CPPED1: variants seen among roughly 807,000 people sequenced by gnomAD.
The protein encoded by CPPED1 is serine/threonine-protein phosphatase CPPED1.
Under a neutral mutation model 28.0 loss-of-function variants are expected in CPPED1, and 28 were observed. The ratio of observed to expected loss-of-function variants is 1.00; its 90% CI spans 0.74 to 1.37. The LOEUF (loss-of-function observed/expected upper bound fraction) is 1.37. CPPED1 is among the 40% of genes most tolerant of loss of function. The pLI, the probability that CPPED1 is intolerant of heterozygous loss-of-function variation, is 0.00. For synonymous variants in CPPED1, 198 were observed against 180.2 expected (o/e 1.10, Z -0.79); for missense variants, 504 against 416.5 (o/e 1.21, Z -1.83).
intron 3 of CPPED1, among the ~76,000 whole-genome samples, chr16:12,693,690 AACTAGTAGACGGAATGAGCGTTTC>A (rs1311773048): frequency 1.2e-4 from 19 of 152,364 alleles, no homozygotes; most frequent in African/African-American, 4.1e-4. Flanking sequence ...AAATAACTTG[AACTAGTAGACGGAATGAGCGTTTC>A]ACTAAGCTGG....
In CPPED1 at chr16:12,705,626, CG is replaced by C. The variant is rs2080046019; in HGVS notation, c.290-578del. 2.0e-5 allele frequency among the ~76,000 whole-genome samples: 3 copies of C among 152,228 alleles called. No homozygotes were observed. The South Asian group carries it at 6.2e-4, about 32-fold the overall frequency. ...TACAAAAATTAGCTGGGCATGGGCA[CG>C]GGCACCTGTAATCCCAGCTACTCGG... On this transcript the variant is annotated intron_variant, in intron 2 of 3. Coordinates refer to ENST00000381774, the MANE Select transcript of CPPED1 (RefSeq NM_018340.3).
chr16:12,713,015 G>A (rs1410560975), intron 2 of CPPED1, among the ~76,000 whole-genome samples: 3 of 151,988 alleles, frequency 2.0e-5, no homozygotes, highest in African/African-American at 7.2e-5. Flanking sequence ...CAAGTGACAA[G>A]GCCAATTGTG....
chr16:12,713,620 T>G (rs2080091580), intron 2 of CPPED1, among the ~76,000 whole-genome samples: 1 of 152,094 alleles, frequency 6.6e-6, no homozygotes, highest in African/African-American at 2.4e-5. Flanking sequence ...CTCAGCCTCT[T>G]AAAGTGCTAG....
At chr16:12,692,940 A>G (rs1369961787) in intron 3 of CPPED1, among the ~76,000 whole-genome samples, 1 of 152,228 alleles carries the variant, frequency 6.6e-6, no homozygotes, top group African/African-American at 2.4e-5. Context: ...GGACAATGTT[A>G]CTGCAGGGAA....
intron 3 of CPPED1, among the ~76,000 whole-genome samples, chr16:12,669,077 C>A (rs1371016008): frequency 6.6e-6 from 1 of 152,156 alleles, no homozygotes; most frequent in Non-Finnish European, 1.5e-5. Flanking sequence ...CGGAAGCAAC[C>A]TAAATGTCCA....
At chr16:12,698,113 C>A (rs1303352471) in intron 3 of CPPED1, among the ~76,000 whole-genome samples, 5 of 151,914 alleles carry the variant, frequency 3.3e-5, no homozygotes, top group Non-Finnish European at 7.4e-5. Context: ...CTGACCCCAA[C>A]CCCCACCAAA....
chr16:12,770,365 C>T (rs997930188), intron 2 of CPPED1, among the ~76,000 whole-genome samples: 1 of 152,142 alleles, frequency 6.6e-6, no homozygotes, highest in Non-Finnish European at 1.5e-5. Context: ...TCCCACCTGG[C>T]GTTACTGCAA....
In CPPED1 at chr16:12,803,782, G is replaced by T; in HGVS notation, c.-6C>A. The T allele has an allele frequency of 6.3e-7, 1 of 1,598,782 alleles. No individual in the cohort carries two copies. The highest frequency in any genetic ancestry group is 8.5e-7 in the Non-Finnish European group (1 of 1,173,644). ...CCCGCCTCTGCAGCCGACATGGCGA[G>T]CGAGTTTCTGGCCTTCACTTAGAAC... On this transcript the variant is annotated 5_prime_UTR_variant, in exon 1 of 4. Coordinates refer to ENST00000381774, the MANE Select transcript of CPPED1 (RefSeq NM_018340.3).
At chr16:12,713,214 G>A (rs1202869683) in intron 2 of CPPED1, among the ~76,000 whole-genome samples, 1 of 152,122 alleles carries the variant, frequency 6.6e-6, no homozygotes, top group Non-Finnish European at 1.5e-5. Context: ...TTCAAAAAGA[G>A]AGTTTTCTTC....
intron 1 of CPPED1, among the ~76,000 whole-genome samples, chr16:12,789,577 G>C (rs1596486308): frequency 6.9e-6 from 1 of 145,472 alleles, no homozygotes; most frequent in South Asian, 2.1e-4. Context: ...CCAGGTTGGA[G>C]TGCAGTGGCA....
At chr16:12,786,381 C>T (rs1359614735) in intron 1 of CPPED1, among the ~76,000 whole-genome samples, 2 of 151,514 alleles carry the variant, frequency 1.3e-5, no homozygotes, top group Non-Finnish European at 2.9e-5. Context: ...GAAACAGAAG[C>T]ACAGTGACTT....
chr16:12,717,340 T>C (rs1054193250), intron 2 of CPPED1, among the ~76,000 whole-genome samples: 9 of 152,234 alleles, frequency 5.9e-5, no homozygotes, highest in Non-Finnish European at 1.3e-4. Context: ...CTCGGCTCAC[T>C]GCAAGCTGCG....
chr16:12,777,838 T>C (rs528421467), intron 2 of CPPED1, among the ~76,000 whole-genome samples: 1 of 152,098 alleles, frequency 6.6e-6, no homozygotes, highest in Admixed American at 6.5e-5. Flanking sequence ...ATAATAGATA[T>C]TTATAAGAAA....
intron 2 of CPPED1, among the ~76,000 whole-genome samples, chr16:12,777,994 C>T (rs1386082018): frequency 1.3e-5 from 2 of 150,222 alleles, no homozygotes; most frequent in Non-Finnish European, 2.9e-5. Context: ...ACTGGATTCT[C>T]CACCGCCTGG....
chr16:12,720,660 G>T (rs2080134959), intron 2 of CPPED1, among the ~76,000 whole-genome samples: 1 of 152,078 alleles, frequency 6.6e-6, no homozygotes, highest in Non-Finnish European at 1.5e-5. Context: ...GCTAATTTTT[G>T]TATTTTTAGT....
chr16:12,682,717 A>G lies in CPPED1; in HGVS notation c.716-17602T>C, dbSNP rs1225377970. Among the ~76,000 whole-genome samples, 2 of 152,268 alleles carry G rather than the reference A, an allele frequency of 1.3e-5. No individual in the cohort carries two copies. The highest frequency in any genetic ancestry group is 2.9e-5 in the Non-Finnish European group (2 of 68,042). On this transcript the variant is annotated intron_variant, in intron 3 of 3. Transcript: ENST00000381774. This position sits in a 1 kb window ranked among gnomAD's most constrained non-coding sequence, Gnocchi z 6.1. Reference sequence around the variant, plus strand: ...TGTACTCAGGCAGCACTCAATAATTATACTTTCCTCTCATCCTTCTCTAAG... The same window carrying G: ...TGTACTCAGGCAGCACTCAATAATTGTACTTTCCTCTCATCCTTCTCTAAG...
chr16:12,736,301 A>C (rs1344816170), intron 2 of CPPED1, among the ~76,000 whole-genome samples: 1 of 150,516 alleles, frequency 6.6e-6, no homozygotes, highest in Non-Finnish European at 1.5e-5. Context: ...GCTGGAGTGC[A>C]ATGGCATGAT....
intron 1 of CPPED1, among the ~76,000 whole-genome samples, chr16:12,791,089 T>A (rs946931973): frequency 6.6e-5 from 10 of 151,706 alleles, no homozygotes; most frequent in Middle Eastern, 6.8e-3. Flanking sequence ...GGGATACATG[T>A]GCAGAACACG....
intron 3 of CPPED1, among the ~76,000 whole-genome samples, chr16:12,703,031 A>G (rs1651530196): frequency 6.6e-6 from 1 of 151,644 alleles, no homozygotes; most frequent in Non-Finnish European, 1.5e-5. Flanking sequence ...AAAAAAAAGA[A>G]ATACCATTGG....
Sources: allele counts gnomAD v4.1 joint callset (sites outside exome capture counted in the v4.1 genomes callset), GRCh38; gene constraint gnomAD v4.1.1; non-coding constraint Gnocchi (gnomAD v3.1); transcripts MANE v1.5; gene names NCBI Gene and HGNC (gene_info 2026-07-23, HGNC 2026-07-21).